The following HGF variants were observed in gnomAD, a reference collection of about 807,000 sequenced individuals.
The protein encoded by HGF is hepatocyte growth factor, also known as fibroblast-derived tumor cytotoxic factor.
A neutral mutation model predicts 111.6 loss-of-function variants in HGF; 39 were observed. The observed-to-expected ratio is 0.35, with a 90% CI of 0.27 to 0.46. The LOEUF is 0.46. Ranked by LOEUF, HGF falls within the 20% of genes least tolerant of loss-of-function variation. HGF has a pLI of 1.00. For missense variants in HGF, 735 were observed against 910.5 expected, an observed-to-expected ratio of 0.81 and a Z score of 2.48; for synonymous variants, 285 against 294.8, an observed-to-expected ratio of 0.97 and a Z score of 0.34.
At chr7:81,727,191 C>CAT (rs1445585511) in intron 8 of HGF, among the ~76,000 whole-genome samples, 1 of 141,632 alleles carries the variant, frequency 7.1e-6, no homozygotes, top group African/African-American at 2.7e-5. Flanking sequence ...CAGGTGCCTG[C>CAT]CACCACGCCC....
chr7:81,769,418 G>A (rs1022928122), intron 1 of HGF, among the ~76,000 whole-genome samples: 6 of 152,128 alleles, frequency 3.9e-5, no homozygotes, highest in South Asian at 2.1e-4. Flanking sequence ...GTACAAAGTC[G>A]TAATTTGGCT....
At chr7:81,744,544 CAGA>C (rs1313495054) in intron 6 of HGF, among the ~76,000 whole-genome samples, 3 of 152,098 alleles carry the variant, frequency 2.0e-5, no homozygotes, top group Non-Finnish European at 4.4e-5. Flanking sequence ...GATGCTGCTC[CAGA>C]AGGAGATTTG....
At chr7:81,742,680 A>C (rs1788053122) in intron 7 of HGF, 1 of 1,326,520 alleles carries the variant, frequency 7.5e-7, no homozygotes, top group South Asian at 1.7e-5. Context: ...ATTGAAAGGA[A>C]CAATATAAAA....
At chr7:81,748,932 T>C (rs1451739236) in intron 5 of HGF, among the ~76,000 whole-genome samples, 1 of 152,212 alleles carries the variant, frequency 6.6e-6, no homozygotes, top group East Asian at 1.9e-4. Flanking sequence ...GATATGAGTA[T>C]ACAGACTAAA....
chr7:81,743,380 A>G lies in HGF; in HGVS notation c.838T>C (p.Trp280Arg). ...WCYTLDPHTR[W>R]EYCAIKTCAD... Reference sequence around the variant, plus strand: ...CATGTTTTAATTGCACAGTACTCCCAGCGGGTGTGAGGGTCAAGAGTATAG... The same window carrying G: ...CATGTTTTAATTGCACAGTACTCCCGGCGGGTGTGAGGGTCAAGAGTATAG... The change falls in exon 7 of 18, where the codon TGG (tryptophan) becomes CGG (arginine). Residue 280 changes from tryptophan to arginine, a missense_variant. Physicochemically the swap from Trp to Arg is moderately radical, Grantham distance 101. Around this residue, in one of 3 missense-constraint regions of HGF, gnomAD observed 553 missense variants for 685.6 expected, o/e 0.81. Transcript: ENST00000222390. The G allele has an allele frequency of 6.2e-7, 1 of 1,610,834 alleles. No individual in the cohort carries two copies.
intron 11 of HGF, among the ~76,000 whole-genome samples, chr7:81,713,693 G>A (rs563218366): frequency 6.6e-6 from 1 of 152,186 alleles, no homozygotes; most frequent in South Asian, 2.1e-4. Context: ...TGGGTTGGTG[G>A]CCGGATGCAT....
In HGF at chr7:81,770,044, G is replaced by A; in HGVS notation, c.-73C>T. On this transcript the variant is annotated 5_prime_UTR_variant, in exon 1 of 18. Coordinates refer to ENST00000222390, the MANE Select transcript of HGF (RefSeq NM_000601.6). ...TGAAAGAATCCTGTTCGGAGTCAGTGCCTAAAAGAGCCAGTCGGCTCTGAG... is the reference window on the plus strand; with the variant it reads ...TGAAAGAATCCTGTTCGGAGTCAGTACCTAAAAGAGCCAGTCGGCTCTGAG... The A allele has an allele frequency of 9.4e-7, 1 of 1,063,298 alleles. No homozygotes were observed. The highest frequency in any genetic ancestry group is 1.3e-5 in the South Asian group (1 of 74,312). The allele number at this position is 1,063,298 out of a possible 1,614,324, so 65.9% of individuals were successfully genotyped here.
chr7:81,708,436 T>G (rs1269770872), intron 13 of HGF, among the ~76,000 whole-genome samples: 3 of 151,976 alleles, frequency 2.0e-5, no homozygotes, highest in African/African-American at 7.2e-5. Context: ...AATATATGTC[T>G]TCTTTTATCC....
At chr7:81,726,851 A>G (rs990036898) in intron 8 of HGF, among the ~76,000 whole-genome samples, 2 of 151,992 alleles carry the variant, frequency 1.3e-5, no homozygotes, top group East Asian at 3.9e-4. Context: ...TATGGATTTC[A>G]TAATAAATAA....
At chr7:81,743,863 G>A (rs984824851) in intron 6 of HGF, among the ~76,000 whole-genome samples, 2 of 152,126 alleles carry the variant, frequency 1.3e-5, no homozygotes, top group African/African-American at 4.8e-5. Context: ...AGTTTCAATA[G>A]CGCTGTTACT....
At position 81,724,508 on chromosome 7, in the gene HGF, A is replaced by C. The variant is rs1329346430; in HGVS notation, c.1168+1382T>G. 2.6e-5 allele frequency among the ~76,000 whole-genome samples: 4 copies of C among 152,320 alleles called. No homozygotes were observed. In the East Asian group the frequency reaches 7.7e-4, roughly 29 times the overall value. On this transcript the variant is annotated intron_variant, in intron 9 of 17. Coordinates refer to ENST00000222390, the MANE Select transcript of HGF (RefSeq NM_000601.6). Reference sequence around the variant, plus strand: ...AAGGATAACTCTCAATTTACTATACATCAGTAATTCCCAGGATTCAACTTT... The same window carrying C: ...AAGGATAACTCTCAATTTACTATACCTCAGTAATTCCCAGGATTCAACTTT...
Position 81,729,986 on chromosome 7 carries a change from G to GT in HGF, c.866-208dup, listed in dbSNP as rs562456108. ...TTCCTTTCATTCAAATCCTAAATTA[G>GT]TTTTTTCTTGAAAAGTTACTTAAAT... On this transcript the variant is annotated intron_variant, in intron 7 of 17. Transcript: ENST00000222390. Among the ~76,000 whole-genome samples, 370 of 151,872 alleles carry GT rather than the reference G, an allele frequency of 2.4e-3. 1 individual carries two copies. The highest frequency in any genetic ancestry group is 8.5e-3 in the African/African-American group (350 of 41,416).
At chr7:81,714,024 GTGTGTA>G (rs985489076) in intron 11 of HGF, among the ~76,000 whole-genome samples, 2 of 149,752 alleles carry the variant, frequency 1.3e-5, no homozygotes, top group Non-Finnish European at 3.0e-5. Context: ...GTGTGTGTGT[GTGTGTA>G]TGGCCTCAGA....
At chr7:81,767,288 G>GA (rs1268870507) in intron 1 of HGF, among the ~76,000 whole-genome samples, 1 of 141,710 alleles carries the variant, frequency 7.1e-6, no homozygotes, top group Non-Finnish European at 1.5e-5. Context: ...CAATATAAAT[G>GA]AAAAAAGAAA....
chr7:81,751,777 G>A (rs1265616131), intron 5 of HGF: 9 of 1,110,208 alleles, frequency 8.1e-6, no homozygotes, highest in Non-Finnish European at 9.9e-6. Flanking sequence ...GAAAGGCTAA[G>A]CTTCATTCAA....
intron 13 of HGF, among the ~76,000 whole-genome samples, chr7:81,708,265 C>G (rs1416453180): frequency 6.6e-6 from 1 of 151,946 alleles, no homozygotes; most frequent in African/African-American, 2.4e-5. Flanking sequence ...AACTAAGCAG[C>G]TGTTGTTGCT....
chr7:81,750,334 C>G lies in HGF; in HGVS notation c.625+1786G>C, dbSNP rs557893803. 6.6e-5 allele frequency among the ~76,000 whole-genome samples: 10 copies of G among 152,284 alleles called. No individual in the cohort carries two copies. In the South Asian group the frequency reaches 2.1e-3, roughly 32 times the overall value. The stretch of plus-strand genomic sequence containing the variant: ...GGCAGATGTTGGTTCCCTTCTCCCA[C>G]AGGAGAGTTATTCCACTATTGCCAG... On this transcript the variant is annotated intron_variant, in intron 5 of 17. Coordinates refer to ENST00000222390, the MANE Select transcript of HGF (RefSeq NM_000601.6).
chr7:81,711,907 G>T lies in HGF; in HGVS notation c.1406-388C>A, dbSNP rs1220658490. 2.6e-5 allele frequency among the ~76,000 whole-genome samples: 4 copies of T among 152,102 alleles called. 1 individual carries two copies. Among genetic ancestry groups the T allele is most frequent in the African/African-American group, 7.2e-5 (3 of 41,420 alleles). On this transcript the variant is annotated intron_variant, in intron 11 of 17. Coordinates refer to ENST00000222390, the MANE Select transcript of HGF (RefSeq NM_000601.6). ...GATCCACCTGCCTCAGCCTCCCAAAGTGCTAGGATTATAGGCATGAGCCAC... is the reference window on the plus strand; with the variant it reads ...GATCCACCTGCCTCAGCCTCCCAAATTGCTAGGATTATAGGCATGAGCCAC...
chr7:81,760,241 G>A (rs759764432), intron 2 of HGF, among the ~76,000 whole-genome samples: 1 of 152,106 alleles, frequency 6.6e-6, no homozygotes, highest in Non-Finnish European at 1.5e-5. Flanking sequence ...ATGGCAGGAA[G>A]GCAATTCTAG....
Sources: gnomAD v4.1 joint callset for allele counts (sites outside exome capture counted in the v4.1 genomes callset) on GRCh38, gnomAD v4.1.1 for gene constraint, gnomAD v4.1.1 regional missense constraint, MANE v1.5 for transcripts, NCBI Gene and HGNC (gene_info 2026-07-23, HGNC 2026-07-21) for gene names.